Variants in CNTNAP5 observed in about 807,000 individuals in gnomAD.
CNTNAP5 encodes the protein contactin-associated protein-like 5.
Under a neutral mutation model 150.2 loss-of-function variants are expected in CNTNAP5, and 72 were observed. That is an observed-to-expected ratio of 0.48 (90% confidence interval 0.40 to 0.58). CNTNAP5 has a LOEUF of 0.58. Ranked by LOEUF, CNTNAP5 falls within the 20% of genes least tolerant of loss-of-function variation. The pLI, the probability that CNTNAP5 is intolerant of heterozygous loss-of-function variation, is 0.00. For missense variants in CNTNAP5, 1,636 were observed against 1,626.2 expected, an observed-to-expected ratio of 1.01 and a Z score of -0.10; for synonymous variants, 672 against 619.8, an observed-to-expected ratio of 1.08 and a Z score of -1.25.
intron 1 of CNTNAP5, among the ~76,000 whole-genome samples, chr2:124,159,205 T>C (rs1919834): frequency 0.97 from 147,538 of 152,312 alleles, 71,631 homozygotes; most frequent in East Asian, 1. Context: ...TGTTTCTTTT[T>C]ATTCAGATTT....
At chr2:124,186,193 C>T (rs891473383) in intron 1 of CNTNAP5, among the ~76,000 whole-genome samples, 4 of 152,132 alleles carry the variant, frequency 2.6e-5, no homozygotes, top group Non-Finnish European at 5.9e-5. Context: ...TGAGATCCAT[C>T]GATGTAGAAA....
chr2:124,192,503 G>C (rs1317803191), intron 1 of CNTNAP5, among the ~76,000 whole-genome samples: 2 of 152,142 alleles, frequency 1.3e-5, no homozygotes, highest in Non-Finnish European at 2.9e-5. Context: ...CCATGCGTCT[G>C]ATGGTGCCAG....
intron 14 of CNTNAP5, among the ~76,000 whole-genome samples, chr2:124,757,388 A>T (rs1361213522): frequency 6.6e-6 from 1 of 152,182 alleles, no homozygotes; most frequent in Non-Finnish European, 1.5e-5. Context: ...CAGTGTGAGG[A>T]CTCAGGGCCT....
intron 1 of CNTNAP5, among the ~76,000 whole-genome samples, chr2:124,151,178 C>T (rs189697226): frequency 1.3e-5 from 2 of 152,240 alleles, no homozygotes; most frequent in African/African-American, 4.8e-5. Flanking sequence ...GAGAAACAGT[C>T]CATGATATGG....
chr2:124,865,730 G>T lies in CNTNAP5; in HGVS notation c.3348+294G>T, dbSNP rs562701400. Among the ~76,000 whole-genome samples the T allele has an allele frequency of 3.3e-5, 5 of 152,122 alleles. 1 individual carries two copies. In the South Asian group the frequency reaches 1.0e-3, roughly 32 times the overall value. On this transcript the variant is annotated intron_variant, in intron 20 of 23. Coordinates refer to ENST00000682447, the MANE Select transcript of CNTNAP5 (RefSeq NM_001367498.1). Reference sequence around the variant, plus strand: ...GGAGTCTGAGGCGGGCAGATCAAGAGGTCAGGAGTTCGAGACCAGCCTGGC... The same window carrying T: ...GGAGTCTGAGGCGGGCAGATCAAGATGTCAGGAGTTCGAGACCAGCCTGGC...
chr2:124,896,592 G>A (rs544183895), intron 21 of CNTNAP5, among the ~76,000 whole-genome samples: 1 of 151,284 alleles, frequency 6.6e-6, no homozygotes, highest in Non-Finnish European at 1.5e-5. Flanking sequence ...AGGCTGGAGT[G>A]CAGTGGCCCA....
At chr2:124,787,101 A>G (rs1681615538) in intron 17 of CNTNAP5, among the ~76,000 whole-genome samples, 1 of 151,914 alleles carries the variant, frequency 6.6e-6, no homozygotes, top group Non-Finnish European at 1.5e-5. Flanking sequence ...TTCTCCATTA[A>G]AAAAGTTGTT....
chr2:124,658,363 T>C (rs949337870), intron 13 of CNTNAP5, among the ~76,000 whole-genome samples: 1 of 152,202 alleles, frequency 6.6e-6, no homozygotes, highest in African/African-American at 2.4e-5. Context: ...TTTAATGTTC[T>C]CTGAGTGTCC....
chr2:124,917,811 T>C lies in CNTNAP5; in HGVS notation c.*3523T>C, dbSNP rs1464663293. 6.6e-6 allele frequency among the ~76,000 whole-genome samples: 1 copy of C among 152,102 alleles called. No individual in the cohort carries two copies. Among genetic ancestry groups the C allele is most frequent in the Non-Finnish European group, 1.5e-5 (1 of 68,000 alleles). ...CTCAAAGTCTAGCTGGCAAGGCATG[T>C]ATTGTTGCAACAGGGCCACACATAA... On this transcript the variant is annotated 3_prime_UTR_variant, in exon 24 of 24. Coordinates refer to ENST00000682447, the MANE Select transcript of CNTNAP5 (RefSeq NM_001367498.1).
intron 1 of CNTNAP5, among the ~76,000 whole-genome samples, chr2:124,181,453 T>A (rs1558790124): frequency 7.0e-6 from 1 of 142,400 alleles, no homozygotes; most frequent in Non-Finnish European, 1.5e-5. Context: ...ATTCAGGTTT[T>A]CCTTTTTTTT....
chr2:124,130,360 A>G (rs1332647019), intron 1 of CNTNAP5, among the ~76,000 whole-genome samples: 2 of 152,006 alleles, frequency 1.3e-5, no homozygotes, highest in African/African-American at 4.8e-5. Context: ...CTCTGGGCCC[A>G]CCGACTCAGG....
At chr2:124,295,650 A>G (rs550853288) in intron 3 of CNTNAP5, among the ~76,000 whole-genome samples, 89 of 152,384 alleles carry the variant, frequency 5.8e-4, no homozygotes, top group Middle Eastern at 3.4e-3. Flanking sequence ...TTTGTCAGGA[A>G]AGTAAAGGAA....
intron 20 of CNTNAP5, among the ~76,000 whole-genome samples, chr2:124,868,529 T>C (rs1369309421): frequency 6.6e-6 from 1 of 152,218 alleles, no homozygotes; most frequent in Non-Finnish European, 1.5e-5. Context: ...GATCAGCTTA[T>C]TTAATAGAGC....
chr2:124,409,834 A>G (rs1326695852), intron 3 of CNTNAP5, among the ~76,000 whole-genome samples: 2 of 152,088 alleles, frequency 1.3e-5, no homozygotes, highest in Admixed American at 1.3e-4. Context: ...GAGCAAACTC[A>G]CCAGCTAACA....
chr2:124,197,853 T>C (rs6541941), intron 1 of CNTNAP5, among the ~76,000 whole-genome samples: 116,799 of 151,528 alleles, frequency 0.77, 45,326 homozygotes, highest in East Asian at 1. Flanking sequence ...TGGTGGCGGG[T>C]GCCTGTAGTC....
intron 4 of CNTNAP5, among the ~76,000 whole-genome samples, chr2:124,433,714 G>T (rs1370656795): frequency 6.6e-5 from 10 of 151,602 alleles, no homozygotes; most frequent in Non-Finnish European, 1.5e-4. Context: ...AAAAAAACCC[G>T]CAAAAATAAC....
At position 124,919,420 on chromosome 2, in the gene CNTNAP5, TAC is replaced by T. The variant is rs1678830445; in HGVS notation, c.*5134_*5135del. On this transcript the variant is annotated 3_prime_UTR_variant, in exon 24 of 24. Transcript: ENST00000682447. The stretch of plus-strand genomic sequence containing the variant: ...TCTGTCTTATGTAATGTTTATAGTC[TAC>T]AAAATGGCTGAGCAGACATGAACAA... 6.6e-6 allele frequency among the ~76,000 whole-genome samples: 1 copy of T among 152,120 alleles called. No individual in the cohort carries two copies. The highest frequency in any genetic ancestry group is 1.5e-5 in the Non-Finnish European group (1 of 68,014).
intron 3 of CNTNAP5, among the ~76,000 whole-genome samples, chr2:124,247,956 T>C (rs1687071560): frequency 6.6e-6 from 1 of 152,204 alleles, no homozygotes; most frequent in Admixed American, 6.5e-5. Context: ...CTCACGCACA[T>C]ATACTAATAA....
At chr2:124,492,272 AT>A (rs1426020223) in intron 7 of CNTNAP5, among the ~76,000 whole-genome samples, 1 of 152,196 alleles carries the variant, frequency 6.6e-6, no homozygotes. Context: ...TCTGTAATAC[AT>A]TTCAAGTTAA....
Sources: allele counts gnomAD v4.1 joint callset (sites outside exome capture counted in the v4.1 genomes callset), GRCh38; gene constraint gnomAD v4.1.1; transcripts MANE v1.5; gene names NCBI Gene and HGNC (gene_info 2026-07-23, HGNC 2026-07-21).